Variants in ZNF800 observed in about 807,000 individuals in gnomAD.
The protein encoded by ZNF800 is zinc finger protein 800.
In ZNF800, 13 loss-of-function variants were observed where a neutral mutation model predicts 59.5. The observed-to-expected ratio is 0.22, with a 90% CI of 0.14 to 0.35. The LOEUF (loss-of-function observed/expected upper bound fraction) is 0.35. ZNF800 is among the 10% of genes least tolerant of loss of function. The probability of loss-of-function intolerance (pLI) is 1.00; values close to 1 mark genes in which losing one functional copy is unlikely to be tolerated. For missense variants in ZNF800, 621 were observed against 783.7 expected, an observed-to-expected ratio of 0.79 and a Z score of 2.48; for synonymous variants, 266 against 265.7, an observed-to-expected ratio of 1.00 and a Z score of -0.01.
chr7:127,360,607 T>C (rs1800375099), intron 1 of ZNF800: 1 of 152,024 alleles, frequency 6.6e-6, no homozygotes, highest in Non-Finnish European at 1.5e-5. Context: ...AAGGTATCAC[T>C]AGCACATAAT....
intron 2 of ZNF800, among the ~76,000 whole-genome samples, chr7:127,391,164 T>C (rs954717047): frequency 6.6e-6 from 1 of 152,208 alleles, no homozygotes; most frequent in Non-Finnish European, 1.5e-5. Context: ...AAATCTAGTA[T>C]TCTATGTTTT....
downstream of ZNF800, among the ~76,000 whole-genome samples, chr7:127,369,334 T>C (rs1260488368): frequency 6.6e-6 from 1 of 152,146 alleles, no homozygotes; most frequent in Non-Finnish European, 1.5e-5. Flanking sequence ...GCTCTTTGTG[T>C]GCTGTAATCC....
intron 1 of ZNF800, among the ~76,000 whole-genome samples, chr7:127,359,272 C>T (rs1360415052): frequency 3.3e-5 from 5 of 152,014 alleles, no homozygotes; most frequent in African/African-American, 7.2e-5. Context: ...ACTACAGTCA[C>T]GTCAGTAAAT....
intron 2 of ZNF800, among the ~76,000 whole-genome samples, chr7:127,390,443 AGGGTTGTAGTACGAATT>A (rs762441214): frequency 8.5e-5 from 13 of 152,316 alleles, no homozygotes; most frequent in Middle Eastern, 3.4e-3. Flanking sequence ...CAGTAGAGAT[AGGGTTGTAGTACGAATT>A]TTATCCTCAT....
rs1004553055 is a variant in ZNF800, at chr7:127,392,274, G to T, written c.-273C>A. ...CACAGCTCACCACGTCCCTCCGCGGGCCGAGACGACTGCGGCGGCGGCTCA... is the reference window on the plus strand; with the variant it reads ...CACAGCTCACCACGTCCCTCCGCGGTCCGAGACGACTGCGGCGGCGGCTCA... On this transcript the variant is annotated 5_prime_UTR_variant, in exon 1 of 6. Coordinates refer to ENST00000265827, the MANE Select transcript of ZNF800 (RefSeq NM_176814.5). 2 of 391,974 alleles carry T rather than the reference G, an allele frequency of 5.1e-6. No individual in the cohort carries two copies. Among genetic ancestry groups the T allele is most frequent in the East Asian group, 3.6e-5 (1 of 27,626 alleles). The allele number at this position is 391,974 out of a possible 1,614,324, so 24.3% of individuals were successfully genotyped here. A position where few individuals can be genotyped will look rare whatever the true frequency, so the allele number is the denominator to read the frequency against.
chr7:127,348,934 C>T (rs568976042), intron 1 of ZNF800, among the ~76,000 whole-genome samples: 1 of 152,244 alleles, frequency 6.6e-6, no homozygotes, highest in East Asian at 1.9e-4. Flanking sequence ...AGTAGTTTAT[C>T]TTCCTCAAAA....
chr7:127,380,660 C>T (rs1384580176), intron 3 of ZNF800, among the ~76,000 whole-genome samples: 1 of 152,208 alleles, frequency 6.6e-6, no homozygotes, highest in African/African-American at 2.4e-5. Context: ...GCTAAAACTT[C>T]CTGTCACCTG....
At chr7:127,384,248 T>TTTTTTTTTTTTC in intron 3 of ZNF800, among the ~76,000 whole-genome samples, 1 of 129,766 alleles carries the variant, frequency 7.7e-6, no homozygotes, top group African/African-American at 2.7e-5. Context: ...TTTTTTTTTT[T>TTTTTTTTTTTTC]TTTTAGACAG....
rs143208302 is a variant in ZNF800 at position 127,373,978 on chromosome 7, T to C, written c.1358A>G (p.Gln453Arg). The C allele has an allele frequency of 5.0e-6, 8 of 1,613,786 alleles. No homozygotes were observed. Among genetic ancestry groups the C allele is most frequent in the African/African-American group, 4.0e-5 (3 of 74,842 alleles). The change falls in exon 5 of 6, where the codon CAA becomes CGA. Residue 453 changes from glutamine to arginine, a missense_variant. Physicochemically the swap from Gln to Arg is conservative, Grantham distance 43 (BLOSUM62 1). This residue lies in a region of ZNF800 where 185 missense variants were observed against 177.6 expected (regional missense o/e 1.04). Coordinates refer to ENST00000265827, the MANE Select transcript of ZNF800 (RefSeq NM_176814.5). ...TPAAQKNKVKQDSESPKSTSP... is the reference protein window; with the variant it reads ...TPAAQKNKVKRDSESPKSTSP... ...AGTTGATTTAGGGCTTTCAGAGTCT[T>C]GTTTAACTTTATTTTTCTGTGCTGC...
At position 127,370,659 on chromosome 7, in the gene ZNF800, TTTATAA is replaced by T. The variant is rs1232495832; in HGVS notation, c.*1149_*1154del. 8 of 152,548 alleles carry T rather than the reference TTTATAA, an allele frequency of 5.2e-5. No homozygotes were observed. The highest frequency in any genetic ancestry group is 1.4e-4 in the African/African-American group (6 of 41,456). 9.4% of individuals were successfully genotyped at this position (152,548 alleles called of 1,614,324 possible). ...ACATGGTATATTTTCTGCTGTACCT[TTTATAA>T]TTATAATTTGACACAAATAACTAAA... On this transcript the variant is annotated 3_prime_UTR_variant, in exon 6 of 6. Coordinates refer to ENST00000265827, the MANE Select transcript of ZNF800 (RefSeq NM_176814.5).
chr7:127,390,685 T>G (rs1801281239), intron 2 of ZNF800, among the ~76,000 whole-genome samples: 1 of 152,218 alleles, frequency 6.6e-6, no homozygotes. Flanking sequence ...TAAACTAGAA[T>G]AGCCTAGCCT....
rs954656329 is a variant in ZNF800, at chr7:127,371,754, C to T, written c.*60G>A. 1.4e-6 allele frequency: 1 copy of T among 738,766 alleles called. No homozygotes were observed. The highest frequency in any genetic ancestry group is 2.5e-6 in the Non-Finnish European group (1 of 401,328). The allele number at this position is 738,766 out of a possible 1,614,324, so 45.8% of individuals were successfully genotyped here. ...TGAAGATGTTTAGTGGTTCTAACACCAATTTAAAGTCTTTCCACAAAAATG... is the reference window on the plus strand; with the variant it reads ...TGAAGATGTTTAGTGGTTCTAACACTAATTTAAAGTCTTTCCACAAAAATG... On this transcript the variant is annotated 3_prime_UTR_variant, in exon 6 of 6. Transcript: ENST00000265827.
intron 1 of ZNF800, among the ~76,000 whole-genome samples, chr7:127,350,937 T>A (rs2106175): frequency 0.1 from 15,886 of 152,218 alleles, 1,075 homozygotes; most frequent in Middle Eastern, 0.27. Flanking sequence ...TGACAGTCTT[T>A]CCAGTTTCCA....
At chr7:127,376,074 A>G (rs2117124374) in intron 4 of ZNF800, among the ~76,000 whole-genome samples, 1 of 152,126 alleles carries the variant, frequency 6.6e-6, no homozygotes, top group South Asian at 2.1e-4. Context: ...ATTTTAATTA[A>G]AAGTTTAGAT....
In ZNF800 at chr7:127,392,247, G is replaced by C. The variant is rs1801356115; in HGVS notation, c.-246C>G. The C allele has an allele frequency of 2.5e-6, 1 of 393,586 alleles. No homozygotes were observed. Among genetic ancestry groups the C allele is most frequent in the South Asian group, 1.3e-4 (1 of 7,818 alleles). 24.4% of individuals were successfully genotyped at this position (393,586 alleles called of 1,614,324 possible). A position where few individuals can be genotyped will look rare whatever the true frequency, so the allele number is the denominator to read the frequency against. ...TCCCCGCCGGCGCTGACGCGGAAGC[G>C]CCACAGCTCACCACGTCCCTCCGCG... On this transcript the variant is annotated 5_prime_UTR_variant, in exon 1 of 6. Coordinates refer to ENST00000265827, the MANE Select transcript of ZNF800 (RefSeq NM_176814.5).
At position 127,392,666 on chromosome 7, in the gene ZNF800, G is replaced by A. The variant is rs556904810; in HGVS notation, c.-665C>T. 6.3e-4 allele frequency: 98 copies of A among 155,398 alleles called. No individual in the cohort carries two copies. Among genetic ancestry groups the A allele is most frequent in the Non-Finnish European group, 8.5e-4 (60 of 70,210 alleles). 9.6% of individuals were successfully genotyped at this position (155,398 alleles called of 1,614,324 possible). A position where few individuals can be genotyped will look rare whatever the true frequency, so the allele number is the denominator to read the frequency against. ...CTACCGCCGCGGAGCGCGTAGGAAGGGGGAAGCAGAGACTCTCCGGCAGCG... is the reference window on the plus strand; with the variant it reads ...CTACCGCCGCGGAGCGCGTAGGAAGAGGGAAGCAGAGACTCTCCGGCAGCG... On this transcript the variant is annotated 5_prime_UTR_variant, in exon 1 of 6. Transcript: ENST00000265827.
rs551877390 is a variant in ZNF800 at position 127,357,607 on chromosome 7, A to T, written n.225-9564T>A. Among the ~76,000 whole-genome samples the T allele has an allele frequency of 1.2e-4, 18 of 152,200 alleles. No individual in the cohort carries two copies. In the South Asian group the frequency reaches 3.7e-3, roughly 32 times the overall value. On this transcript the variant is annotated intron_variant and non_coding_transcript_variant, in intron 1 of 1. Transcript: ENST00000485577. ...ATCAAAGCTATGGGACTCAACAAAT[A>T]AATCTTATTTGGTCCAAGAACACTA...
chr7:127,377,193 C>T lies in ZNF800; in HGVS notation c.294G>A (p.Met98Ile). 1.9e-6 allele frequency: 3 copies of T among 1,610,204 alleles called. No individual in the cohort carries two copies. The highest frequency in any genetic ancestry group is 2.5e-6 in the Non-Finnish European group (3 of 1,178,016). Residue 98 changes from methionine (M) to isoleucine (I), a missense_variant, in exon 4 of 6, where the codon ATG (methionine) becomes ATA (isoleucine). Met to Ile is a conservative substitution (Grantham distance 10). Transcript: ENST00000265827. The surrounding 1 kb of genome is among the most constrained non-coding windows in gnomAD (Gnocchi z 4.7). Reference protein sequence around the residue: ...KKFYCPPSLQMDDNLPDVNDK... With the variant: ...KKFYCPPSLQIDDNLPDVNDK... ...TATATGAATAAAACTTACTGTCATC[C>T]ATCTGGAGACTTGGTGGGCAGTAGA...
In ZNF800 at chr7:127,377,612, T is replaced by A. The variant is rs998821737; in HGVS notation, c.158-283A>T. Among the ~76,000 whole-genome samples the A allele has an allele frequency of 2.6e-5, 4 of 151,978 alleles. No individual in the cohort carries two copies. The highest frequency in any genetic ancestry group is 4.4e-5 in the Non-Finnish European group (3 of 67,904). ...ATATCCCAAGGCAGTGGTTCCGACATGAGGTTAATCATTACAATGAGCTGG... is the reference window on the plus strand; with the variant it reads ...ATATCCCAAGGCAGTGGTTCCGACAAGAGGTTAATCATTACAATGAGCTGG... On this transcript the variant is annotated intron_variant, in intron 3 of 5. Transcript: ENST00000265827. The surrounding 1 kb of genome is among the most constrained non-coding windows in gnomAD (Gnocchi z 4.7).
Sources: gnomAD v4.1 joint callset for allele counts (sites outside exome capture counted in the v4.1 genomes callset) on GRCh38, gnomAD v4.1.1 for gene constraint, gnomAD v4.1.1 regional missense constraint, Gnocchi (gnomAD v3.1) non-coding constraint, MANE v1.5 for transcripts, NCBI Gene and HGNC (gene_info 2026-07-23, HGNC 2026-07-21) for gene names.